The following RASGEF1B variants were observed in gnomAD, a reference collection of about 807,000 sequenced individuals.
RASGEF1B encodes the protein RasGEF domain family member 1B.
RASGEF1B carries 30 observed loss-of-function variants against 65.7 expected under a neutral mutation model. The observed-to-expected ratio is 0.46, with a 90% CI of 0.34 to 0.62. The LOEUF is 0.62. Among genes scored for constraint, RASGEF1B ranks in the 20% least tolerant of loss-of-function variants. The pLI, the probability that RASGEF1B is intolerant of heterozygous loss-of-function variation, is 0.01. For missense variants in RASGEF1B, 495 were observed against 580.1 expected (o/e 0.85, Z 1.51); for synonymous variants, 175 against 194.8 (o/e 0.90, Z 0.85).
At position 81,427,413 on chromosome 4, in the gene RASGEF1B, C is replaced by T; in HGVS notation, c.*355G>A. 4.2e-6 allele frequency: 1 copy of T among 238,704 alleles called. No individual in the cohort carries two copies. The highest frequency in any genetic ancestry group is 8.0e-6 in the Non-Finnish European group (1 of 125,576). The allele number at this position is 238,704 out of a possible 1,614,324, so 14.8% of individuals were successfully genotyped here. On this transcript the variant is annotated 3_prime_UTR_variant, in exon 14 of 14. Transcript: ENST00000264400. ...AGTCCCATTAGCAGCAAATGTTCAACCAAATTAAAAAAAACACACACACAC... is the reference window on the plus strand; with the variant it reads ...AGTCCCATTAGCAGCAAATGTTCAATCAAATTAAAAAAAACACACACACAC...
At chr4:81,463,636 G>GT (rs1388907895) in intron 1 of RASGEF1B, among the ~76,000 whole-genome samples, 2 of 152,088 alleles carry the variant, frequency 1.3e-5, no homozygotes, top group Non-Finnish European at 2.9e-5. Flanking sequence ...TAATAGAAGC[G>GT]TTTTATAATC....
At chr4:81,466,757 TC>T (rs1236211799) in intron 1 of RASGEF1B, among the ~76,000 whole-genome samples, 7 of 3,826 alleles carry the variant, frequency 1.8e-3, no homozygotes, top group African/African-American at 4.5e-3. Flanking sequence ...AGCCTCCATG[TC>T]AAAAAAAAAA....
At chr4:81,466,774 G>GAAAGAAAGAAAGAAAGAAAT (rs1722836745) in intron 1 of RASGEF1B, among the ~76,000 whole-genome samples, 1 of 72,410 alleles carries the variant, frequency 1.4e-5, no homozygotes. Flanking sequence ...AAAAAAAAAA[G>GAAAGAAAGAAAGAAAGAAAT]AAAGAAAGAA....
intron 8 of RASGEF1B, 55 bp from the exon 9 acceptor site, chr4:81,442,431 G>A: frequency 9.9e-7 from 1 of 1,010,248 alleles, no homozygotes; most frequent in African/African-American, 1.6e-5. Flanking sequence ...AGAGAAATAA[G>A]AAAAACGATA....
At chr4:81,464,418 A>G (rs1017424401) in intron 1 of RASGEF1B, among the ~76,000 whole-genome samples, 1 of 152,250 alleles carries the variant, frequency 6.6e-6, no homozygotes, top group Non-Finnish European at 1.5e-5. Context: ...ATGAGACACA[A>G]GAAAAAGCTG....
chr4:81,432,730 T>A (rs1450392672), intron 12 of RASGEF1B, among the ~76,000 whole-genome samples: 1 of 152,180 alleles, frequency 6.6e-6, no homozygotes, highest in Non-Finnish European at 1.5e-5. Flanking sequence ...GAGTTGTTTT[T>A]TCCTTTTTTC....
chr4:81,456,389 T>C, intron 4 of RASGEF1B: 1 of 605,500 alleles, frequency 1.7e-6, no homozygotes, highest in Non-Finnish European at 2.9e-6. Context: ...AAAACATACT[T>C]GCAACATAAA....
At chr4:81,430,343 C>A (rs937620685) in intron 13 of RASGEF1B, among the ~76,000 whole-genome samples, 3 of 152,188 alleles carry the variant, frequency 2.0e-5, no homozygotes, top group Non-Finnish European at 4.4e-5. Flanking sequence ...ATTTTCCAAG[C>A]CTATGTGCGA....
chr4:81,437,729 A>G (rs916229884), intron 10 of RASGEF1B, among the ~76,000 whole-genome samples: 1 of 152,180 alleles, frequency 6.6e-6, no homozygotes. Flanking sequence ...AATAGAAATA[A>G]TCTTACTTAG....
chr4:81,435,981 A>G (rs1253276052), intron 10 of RASGEF1B, among the ~76,000 whole-genome samples: 1 of 151,184 alleles, frequency 6.6e-6, no homozygotes, highest in Non-Finnish European at 1.5e-5. Flanking sequence ...GAGTCTCACT[A>G]TGTTGCCCAG....
chr4:81,470,553 C>A (rs767264632), intron 1 of RASGEF1B, among the ~76,000 whole-genome samples: 1 of 135,556 alleles, frequency 7.4e-6, no homozygotes, highest in Non-Finnish European at 1.6e-5. Context: ...GGCCATTAGA[C>A]CATCTGAGCT....
chr4:81,433,066 A>G (rs1721488651), intron 12 of RASGEF1B, among the ~76,000 whole-genome samples: 1 of 151,360 alleles, frequency 6.6e-6, no homozygotes, highest in African/African-American at 2.4e-5. Context: ...AAAAAAAAAA[A>G]AGAAAGAAAA....
At chr4:81,458,865 A>G (rs1200050793) in intron 2 of RASGEF1B, 1 of 152,582 alleles carries the variant, frequency 6.6e-6, no homozygotes, top group East Asian at 1.9e-4. Context: ...CAAAGCAACC[A>G]TGTCATCTGA....
intron 10 of RASGEF1B, among the ~76,000 whole-genome samples, chr4:81,436,004 C>G (rs1157824175): frequency 6.6e-6 from 1 of 151,730 alleles, no homozygotes; most frequent in Non-Finnish European, 1.5e-5. Context: ...TAGTCTCTAA[C>G]TCATGGGGGT....
At chr4:81,453,271 C>T (rs1389161202) in intron 4 of RASGEF1B, 1 of 152,144 alleles carries the variant, frequency 6.6e-6, no homozygotes, top group Non-Finnish European at 1.5e-5. Flanking sequence ...ACAGTCATCC[C>T]TCAGTATCCT....
At chr4:81,433,228 TA>T (rs368117891) in intron 12 of RASGEF1B, among the ~76,000 whole-genome samples, 5,175 of 133,744 alleles carry the variant, frequency 0.039, 234 homozygotes, top group African/African-American at 0.12. Context: ...GTTGCTGTCT[TA>T]AAAAAAAAAA....
rs1158714813 is a variant in RASGEF1B at position 81,427,228 on chromosome 4, A to C, written c.*540T>G. 6.5e-6 allele frequency: 1 copy of C among 153,026 alleles called. No individual in the cohort carries two copies. Among genetic ancestry groups the C allele is most frequent in the Non-Finnish European group, 1.5e-5 (1 of 68,384 alleles). The allele number at this position is 153,026 out of a possible 1,614,324, so 9.5% of individuals were successfully genotyped here. On this transcript the variant is annotated 3_prime_UTR_variant, in exon 14 of 14. Coordinates refer to ENST00000264400, the MANE Select transcript of RASGEF1B (RefSeq NM_152545.3). Reference sequence around the variant, plus strand: ...CATACTAAGGGGAAACAAAGTCTGCAGTCAGCTTCCAACCAGTCTTACCCC... The same window carrying C: ...CATACTAAGGGGAAACAAAGTCTGCCGTCAGCTTCCAACCAGTCTTACCCC...
intron 4 of RASGEF1B, among the ~76,000 whole-genome samples, chr4:81,449,834 A>G (rs906491706): frequency 6.6e-6 from 1 of 152,212 alleles, no homozygotes; most frequent in African/African-American, 2.4e-5. Context: ...GAATGACAAC[A>G]TATCTAGAAA....
chr4:81,445,842 T>C lies in RASGEF1B; in HGVS notation c.730-4A>G, dbSNP rs1297323707. 3 of 1,610,060 alleles carry C rather than the reference T, an allele frequency of 1.9e-6. No homozygotes were observed. Among genetic ancestry groups the C allele is most frequent in the African/African-American group, 2.7e-5 (2 of 74,824 alleles). On this transcript the variant is annotated splice_polypyrimidine_tract_variant and splice_region_variant and intron_variant, in intron 6 of 13. Transcript: ENST00000264400. ...TCTTCCGTTCACTGTAGCAACTCTT[T>C]AGAGAAAACAAAGTAAACAGATGAG... is the stretch of plus-strand genomic sequence containing the variant.
Sources: allele counts gnomAD v4.1 joint callset (sites outside exome capture counted in the v4.1 genomes callset), GRCh38; gene constraint gnomAD v4.1.1; transcripts MANE v1.5; gene names NCBI Gene and HGNC (gene_info 2026-07-23, HGNC 2026-07-21).